The following ANK2 variants were observed in gnomAD, a reference collection of about 807,000 sequenced individuals.
ANK2 encodes ankyrin-2.
A neutral mutation model predicts 360.5 loss-of-function variants in ANK2; 83 were observed. The observed-to-expected ratio is 0.23, with a 90% CI of 0.19 to 0.28. The LOEUF is 0.28. Ranked by LOEUF, ANK2 falls within the 10% of genes least tolerant of loss-of-function variation. ANK2 has a pLI of 1.00. For missense variants in ANK2, 4,201 were observed against 4,795.7 expected, an observed-to-expected ratio of 0.88 and a Z score of 3.66; for synonymous variants, 1,740 against 1,759.5, an observed-to-expected ratio of 0.99 and a Z score of 0.28.
rs142518995 is a variant in ANK2, at chr4:113,195,546, T to G, written c.187-822T>G. 1.6e-3 allele frequency among the ~76,000 whole-genome samples: 243 copies of G among 152,296 alleles called. 1 individual carries two copies. Among genetic ancestry groups the G allele is most frequent in the African/African-American group, 5.2e-3 (215 of 41,576 alleles). On this transcript the variant is annotated intron_variant, in intron 2 of 45. Coordinates refer to ENST00000357077, the MANE Select transcript of ANK2 (RefSeq NM_001148.6). ...GTAAAACAGTGTATTTCAATTTGCA[T>G]GTGAAAAATGTTAAATTATTCAGTA...
At chr4:113,151,174 T>G in intron 1 of ANK2, 1 of 1,250,160 alleles carries the variant, frequency 8.0e-7, no homozygotes, top group South Asian at 1.3e-5. Flanking sequence ...CGTTGGTAAC[T>G]AAGAAGTTTT....
intron 45 of ANK2, among the ~76,000 whole-genome samples, chr4:113,379,566 C>T (rs1165697348): frequency 1.3e-5 from 2 of 152,136 alleles, no homozygotes; most frequent in East Asian, 3.9e-4. Flanking sequence ...CTTCTACTAG[C>T]TTTTAGCAGA....
chr4:112,815,353 T>C (rs1030955007), upstream of ANK2, among the ~76,000 whole-genome samples: 14 of 152,222 alleles, frequency 9.2e-5, no homozygotes, highest in Non-Finnish European at 2.1e-4. Flanking sequence ...AGGTGTTCAA[T>C]TAAATAAGTG....
In ANK2 at chr4:113,277,862, C is replaced by T; in HGVS notation, c.1709C>T (p.Ala570Val). The change falls in exon 16 of 46, where the codon GCA becomes GTA. Residue 570 changes from alanine (A) to valine (V), a missense_variant. Physicochemically the swap from Ala to Val is moderately conservative, Grantham distance 64. Coordinates refer to ENST00000357077, the MANE Select transcript of ANK2 (RefSeq NM_001148.6). ...AAGGGTTTTACTCCCCTGCATGTAG[C>T]AGCCAAGTATGGAAGCCTGGATGTG... is the stretch of plus-strand genomic sequence containing the variant. ...TKKGFTPLHVAAKYGSLDVAK... is the reference protein window; with the variant it reads ...TKKGFTPLHVVAKYGSLDVAK... 1 of 1,613,932 alleles carries T rather than the reference C, an allele frequency of 6.2e-7. No homozygotes were observed. The highest frequency in any genetic ancestry group is 8.5e-7 in the Non-Finnish European group (1 of 1,179,806).
At chr4:112,932,594 G>A (rs2093365293) in intron 2 of ANK2, among the ~76,000 whole-genome samples, 1 of 150,662 alleles carries the variant, frequency 6.6e-6, no homozygotes, top group African/African-American at 2.4e-5. Flanking sequence ...CCTGTAAAGA[G>A]TATAAGTTTT....
At chr4:113,338,853 G>A (rs1182332865) in intron 31 of ANK2, among the ~76,000 whole-genome samples, 1 of 151,988 alleles carries the variant, frequency 6.6e-6, no homozygotes, top group East Asian at 1.9e-4. Flanking sequence ...CCGGCCGATT[G>A]TTCACTGTTT....
chr4:112,746,200 G>T, the ANK2 span, among the ~76,000 whole-genome samples: 1 of 151,814 alleles, frequency 6.6e-6, no homozygotes, highest in African/African-American at 2.4e-5. Flanking sequence ...AAATGTACAA[G>T]AACTAAAACA....
At chr4:112,805,639 T>G in the ANK2 span, among the ~76,000 whole-genome samples, 2 of 149,044 alleles carry the variant, frequency 1.3e-5, no homozygotes, top group Non-Finnish European at 3.0e-5. Flanking sequence ...TGGAGTGCAA[T>G]GGGGTGATCT....
At chr4:112,993,900 G>T (rs977980859) in intron 2 of ANK2, among the ~76,000 whole-genome samples, 25 of 151,858 alleles carry the variant, frequency 1.6e-4, no homozygotes, top group African/African-American at 5.6e-4. Context: ...TAGAGACAGG[G>T]TTTCCCCATC....
chr4:113,108,206 C>A (rs1258599132), intron 1 of ANK2, among the ~76,000 whole-genome samples: 2 of 152,066 alleles, frequency 1.3e-5, no homozygotes, highest in African/African-American at 4.8e-5. Flanking sequence ...TAAAGGCAGT[C>A]AGTAATTAAA....
At chr4:113,067,699 G>A (rs1197884098) in intron 1 of ANK2, among the ~76,000 whole-genome samples, 1 of 152,164 alleles carries the variant, frequency 6.6e-6, no homozygotes, top group African/African-American at 2.4e-5. Flanking sequence ...GAGCTCCTGG[G>A]AGGACTGGAA....
At chr4:113,174,645 A>AT in intron 2 of ANK2, 128 bp downstream of exon 2, 1 of 750,260 alleles carries the variant, frequency 1.3e-6, no homozygotes, top group Non-Finnish European at 2.2e-6. Flanking sequence ...CTGAAATCCC[A>AT]TTTTTTGCCC....
intron 2 of ANK2, among the ~76,000 whole-genome samples, chr4:112,997,950 G>A (rs72894462): frequency 0.022 from 3,282 of 146,862 alleles, 114 homozygotes; most frequent in East Asian, 0.14. Context: ...TCAAAACTTT[G>A]GTGTCATTTG....
rs1554019467 is a variant in ANK2, at chr4:112,958,855, C to CT, written c.21+54350dup. On this transcript the variant is annotated intron_variant, in intron 2 of 30. Coordinates refer to the ANK2 transcript ENST00000503271. ...GGGGTACAAGAGAAGATTTCTTTTTCTTTTTTTTTGGTGATGAAGCCTTGC... is the reference window on the plus strand; with the variant it reads ...GGGGTACAAGAGAAGATTTCTTTTTCTTTTTTTTTTGGTGATGAAGCCTTGC... Among the ~76,000 whole-genome samples the CT allele has an allele frequency of 7.7e-4, 116 of 150,774 alleles. No individual in the cohort carries two copies. The Middle Eastern group carries it at 0.014, about 18-fold the overall frequency.
Position 113,287,616 on chromosome 4 carries a change from A to G in ANK2, c.2091A>G (p.Thr697=), listed in dbSNP as rs1448892456. Residue 697 remains threonine, a synonymous_variant, in exon 19 of 46, where the codon ACA becomes ACG. Coordinates refer to ENST00000357077, the MANE Select transcript of ANK2 (RefSeq NM_001148.6). ...CATTCTTTCTGTAGAGTGGACTCACATCCTTACACCTTGCAGCCCAGGAAG... is the reference window on the plus strand; with the variant it reads ...CATTCTTTCTGTAGAGTGGACTCACGTCCTTACACCTTGCAGCCCAGGAAG... The part of the protein sequence containing the change: ...NIHMSTKSGL[T]SLHLAAQEDK... 12 of 1,610,754 alleles carry G rather than the reference A, an allele frequency of 7.4e-6. No individual in the cohort carries two copies. Among genetic ancestry groups the G allele is most frequent in the African/African-American group, 1.3e-5 (1 of 74,800 alleles).
At chr4:112,751,022 C>T in the ANK2 span, among the ~76,000 whole-genome samples, 9 of 152,268 alleles carry the variant, frequency 5.9e-5, no homozygotes, top group East Asian at 1.2e-3. Flanking sequence ...CCACCATGCT[C>T]GGCCTAGAAG....
At chr4:113,264,855 G>A (rs758527771) in intron 13 of ANK2, 42 bp from the exon 14 acceptor site, 25 of 1,536,410 alleles carry the variant, frequency 1.6e-5, no homozygotes, top group South Asian at 7.2e-5. Flanking sequence ...CATCCAGAGC[G>A]GTGGGTTAAT....
intron 2 of ANK2, among the ~76,000 whole-genome samples, chr4:113,175,708 A>G (rs1286817772): frequency 1.3e-5 from 2 of 152,232 alleles, no homozygotes; most frequent in African/African-American, 2.4e-5. Flanking sequence ...TGGCTACCCT[A>G]TATGGCTACC....
intron 2 of ANK2, among the ~76,000 whole-genome samples, chr4:112,945,431 G>T (rs1374469017): frequency 6.6e-6 from 1 of 152,172 alleles, no homozygotes; most frequent in African/African-American, 2.4e-5. Context: ...AGGAAAAATA[G>T]ACATAGTGCC....
Sources: gnomAD v4.1 joint callset for allele counts (sites outside exome capture counted in the v4.1 genomes callset) on GRCh38, gnomAD v4.1.1 for gene constraint, MANE v1.5 for transcripts, NCBI Gene and HGNC (gene_info 2026-07-23, HGNC 2026-07-21) for gene names.